The following CDHR1 variants were observed in gnomAD, a reference collection of about 807,000 sequenced individuals.
CDHR1 encodes the protein cadherin related family member 1, also known as cadherin-related family member 1.
A neutral mutation model predicts 72.1 loss-of-function variants in CDHR1; 61 were observed. That is an observed-to-expected ratio of 0.85 (90% CI 0.69 to 1.05). The LOEUF (loss-of-function observed/expected upper bound fraction) is 1.05, where lower values mean the gene tolerates loss of function less well. Among genes scored for constraint, CDHR1 ranks in the 50% least tolerant of loss-of-function variants. The pLI, the probability that CDHR1 is intolerant of heterozygous loss-of-function variation, is 0.00. For synonymous variants in CDHR1, 470 were observed against 448.1 expected (o/e 1.05, Z -0.62); for missense variants, 1,186 against 1,115.7 (o/e 1.06, Z -0.90).
At position 84,216,003 on chromosome 10, in the gene CDHR1, T is replaced by TC. The variant is rs147801078; in HGVS notation, c.*1383dup. The TC allele has an allele frequency of 0.013, 12,370 of 985,378 alleles. 677 individuals carry two copies. In the African/African-American group the frequency reaches 0.15, roughly 12 times the overall value. The allele number at this position is 985,378 out of a possible 1,614,324, so 61.0% of individuals were successfully genotyped here. A position where few individuals can be genotyped will look rare whatever the true frequency, so the allele number is the denominator to read the frequency against. On this transcript the variant is annotated 3_prime_UTR_variant, in exon 17 of 17. Transcript: ENST00000623527. ...CAGCAGGTTGGTAGCAAAGATCTTGTCTAGCCAGGGCAGCCCTTATCAGCT... is the reference window on the plus strand; with the variant it reads ...CAGCAGGTTGGTAGCAAAGATCTTGTCCTAGCCAGGGCAGCCCTTATCAGCT...
Position 84,214,981 on chromosome 10 carries a change from C to T in CDHR1, c.*360C>T. 1 of 1,195,796 alleles carries T rather than the reference C, an allele frequency of 8.4e-7. No homozygotes were observed. The highest frequency in any genetic ancestry group is 1.0e-6 in the Non-Finnish European group (1 of 954,094). The allele number at this position is 1,195,796 out of a possible 1,614,324, so 74.1% of individuals were successfully genotyped here. ...ACAGTCCCTCAGGTTCTACTGGGAT[C>T]TCATCATCATCCTTAGTCAAGCAGC... On this transcript the variant is annotated 3_prime_UTR_variant, in exon 17 of 17. Coordinates refer to ENST00000623527, the MANE Select transcript of CDHR1 (RefSeq NM_033100.4).
chr10:84,199,513 A>C (rs1172101340), intron 5 of CDHR1, among the ~76,000 whole-genome samples: 5 of 152,044 alleles, frequency 3.3e-5, no homozygotes, highest in Admixed American at 1.3e-4. Context: ...TCCTATTTGC[A>C]CTTAAGTTAT....
Position 84,216,972 on chromosome 10 carries a change from G to T in CDHR1, c.*2351G>T. The T allele has an allele frequency of 3.0e-6, 3 of 985,486 alleles. No homozygotes were observed. The highest frequency in any genetic ancestry group is 3.6e-6 in the Non-Finnish European group (3 of 829,964). 61.0% of individuals were successfully genotyped at this position (985,486 alleles called of 1,614,324 possible). ...TGGGCTTGCAAGTGGATCCGGGACC[G>T]AGGGTGGTCTCTTGGACAACCCCAG... On this transcript the variant is annotated 3_prime_UTR_variant, in exon 17 of 17. Coordinates refer to ENST00000623527, the MANE Select transcript of CDHR1 (RefSeq NM_033100.4).
intron 7 of CDHR1, 138 bp from the exon 8 acceptor site, chr10:84,202,842 A>T: frequency 1.1e-6 from 1 of 896,874 alleles, no homozygotes; most frequent in Non-Finnish European, 1.8e-6. Flanking sequence ...TCTCCGGGTG[A>T]CACAGAAGCA....
At position 84,218,469 on chromosome 10, in the gene CDHR1, G is replaced by A. The variant is rs1444361756; in HGVS notation, c.*3848G>A. The A allele has an allele frequency of 1.0e-6, 1 of 985,302 alleles. No individual in the cohort carries two copies. Among genetic ancestry groups the A allele is most frequent in the East Asian group, 1.1e-4 (1 of 8,828 alleles). 61.0% of individuals were successfully genotyped at this position (985,302 alleles called of 1,614,324 possible). ...GTTTGGAGTATATCTTCTGTGCCAG[G>A]CTCTCTTCTAGGTGTTAGGTGTATG... On this transcript the variant is annotated 3_prime_UTR_variant, in exon 17 of 17. Transcript: ENST00000623527.
Position 84,211,042 on chromosome 10 carries a change from C to T in CDHR1, c.1362C>T (p.Ser454=), listed in dbSNP as rs1010706543. ...VEVNTPEKFS[S]TADVVIQLLD... ...TGAACACCCCAGAGAAGTTCAGTTC[C>T]ACAGCGGATGTTGTGATCCAGCTCC... Residue 454 remains serine (S), a synonymous_variant, in exon 13 of 17, where the codon TCC becomes TCT. Transcript: ENST00000623527. 6.2e-7 allele frequency: 1 copy of T among 1,614,168 alleles called. No homozygotes were observed. Among genetic ancestry groups the T allele is most frequent in the Admixed American group, 1.7e-5 (1 of 60,022 alleles).
intron 16 of CDHR1, 49 bp downstream of exon 16, chr10:84,213,397 G>C: frequency 6.2e-7 from 1 of 1,613,064 alleles, no homozygotes; most frequent in Non-Finnish European, 8.5e-7. Flanking sequence ...GGCCAGCTCA[G>C]ACCTCTCTGC....
rs1842453491 is a variant in CDHR1, at chr10:84,218,006, A to T, written c.*3385A>T. ...CTCTGCTTCTCTAAGGATTTCGGTG[A>T]TTCTATTTTTAGGGACTGAAGGCGT... is the stretch of plus-strand genomic sequence containing the variant. On this transcript the variant is annotated 3_prime_UTR_variant, in exon 17 of 17. Coordinates refer to ENST00000623527, the MANE Select transcript of CDHR1 (RefSeq NM_033100.4). 15 of 985,290 alleles carry T rather than the reference A, an allele frequency of 1.5e-5. No homozygotes were observed. Among genetic ancestry groups the T allele is most frequent in the Non-Finnish European group, 1.8e-5 (15 of 829,952 alleles). 61.0% of individuals were successfully genotyped at this position (985,290 alleles called of 1,614,324 possible).
In CDHR1 at chr10:84,214,937, C is replaced by G; in HGVS notation, c.*316C>G. 7.7e-7 allele frequency: 1 copy of G among 1,294,554 alleles called. No homozygotes were observed. The highest frequency in any genetic ancestry group is 1.5e-5 in the African/African-American group (1 of 66,554). The allele number at this position is 1,294,554 out of a possible 1,614,324, so 80.2% of individuals were successfully genotyped here. ...GGGCTGAGAATTGACGAGAAGCCAG[C>G]TCACCCATCCCAGACCTCACAGTCC... On this transcript the variant is annotated 3_prime_UTR_variant, in exon 17 of 17. Coordinates refer to ENST00000623527, the MANE Select transcript of CDHR1 (RefSeq NM_033100.4).
Position 84,200,643 on chromosome 10 carries a change from G to A in CDHR1, c.481G>A (p.Asp161Asn). 13 of 1,612,612 alleles carry A rather than the reference G, an allele frequency of 8.1e-6. No individual in the cohort carries two copies. Among genetic ancestry groups the A allele is most frequent in the Non-Finnish European group, 1.0e-5 (12 of 1,179,414 alleles). Reference protein sequence around the residue: ...GSIIFKVHAVDRDTGSGGSVT... With the variant: ...GSIIFKVHAVNRDTGSGGSVT... ...CATCATCTTTAAGGTCCATGCAGTG[G>A]ACAGGGACACAGGCTCTGGAGGGAG... The change falls in exon 6 of 17, where the codon GAC becomes AAC. Residue 161 changes from aspartate to asparagine, a missense_variant. Coordinates refer to ENST00000623527, the MANE Select transcript of CDHR1 (RefSeq NM_033100.4).
At chr10:84,201,564 C>G (rs74145719) in intron 6 of CDHR1, among the ~76,000 whole-genome samples, 1 of 152,172 alleles carries the variant, frequency 6.6e-6, no homozygotes, top group African/African-American at 2.4e-5. Context: ...TCCAGCTGAG[C>G]AGGAGGAAAA....
chr10:84,217,656 A>G lies in CDHR1; in HGVS notation c.*3035A>G, dbSNP rs549093833. On this transcript the variant is annotated 3_prime_UTR_variant, in exon 17 of 17. Transcript: ENST00000623527. ...GACACTTGCCGTGACTGTGGCCCACATACTAGAACACCATGTCCTGAAAGA... is the reference window on the plus strand; with the variant it reads ...GACACTTGCCGTGACTGTGGCCCACGTACTAGAACACCATGTCCTGAAAGA... 36 of 985,512 alleles carry G rather than the reference A, an allele frequency of 3.7e-5. No homozygotes were observed. In the South Asian group the frequency reaches 1.3e-3, roughly 35 times the overall value. The allele number at this position is 985,512 out of a possible 1,614,324, so 61.0% of individuals were successfully genotyped here. A position where few individuals can be genotyped will look rare whatever the true frequency, so the allele number is the denominator to read the frequency against.
rs766675093 is a variant in CDHR1, at chr10:84,195,486, T to C, written c.56-8T>C. The C allele has an allele frequency of 9.9e-6, 16 of 1,613,214 alleles. No homozygotes were observed. Among genetic ancestry groups the C allele is most frequent in the Middle Eastern group, 1.7e-4 (1 of 6,060 alleles). ...TGGGTGTCCGTCTGTTCTGTGTTCT[T>C]TTTCCAGCTCAGGCCAACTTCGCCC... On this transcript the variant is annotated splice_region_variant and splice_polypyrimidine_tract_variant and intron_variant, in intron 1 of 16. Transcript: ENST00000623527.
Position 84,203,116 on chromosome 10 carries a change from C to A in CDHR1, c.776C>A (p.Thr259Asn), listed in dbSNP as rs747762103. ...TPYYGYVYED[T>N]LPGSEVLKVV... is the part of the protein sequence containing the mutation. Reference sequence around the variant, plus strand: ...TACTATGGCTATGTGTACGAGGACACCCTTCCGGTGGGTGGCTGTCCCCCT... The same window carrying A: ...TACTATGGCTATGTGTACGAGGACAACCTTCCGGTGGGTGGCTGTCCCCCT... Residue 259 changes from threonine to asparagine, a missense_variant, in exon 8 of 17, where the codon ACC becomes AAC. Coordinates refer to ENST00000623527, the MANE Select transcript of CDHR1 (RefSeq NM_033100.4). The A allele has an allele frequency of 1.2e-6, 2 of 1,614,166 alleles. No individual in the cohort carries two copies. Among genetic ancestry groups the A allele is most frequent in the Non-Finnish European group, 1.7e-6 (2 of 1,180,040 alleles).
rs1318484537 is a variant in CDHR1 at position 84,194,745 on chromosome 10, C to G, written c.-16C>G. On this transcript the variant is annotated 5_prime_UTR_variant, in exon 1 of 17. Transcript: ENST00000623527. Reference sequence around the variant, plus strand: ...GGTCTCGGCGGCGGCAGGCGACACTCCGCGCCGGCGGAGACATGAGGCGCT... The same window carrying G: ...GGTCTCGGCGGCGGCAGGCGACACTGCGCGCCGGCGGAGACATGAGGCGCT... 30 of 1,494,844 alleles carry G rather than the reference C, an allele frequency of 2.0e-5. No individual in the cohort carries two copies. The highest frequency in any genetic ancestry group is 2.6e-5 in the Non-Finnish European group (29 of 1,131,374). The allele number at this position is 1,494,844 out of a possible 1,614,324, so 92.6% of individuals were successfully genotyped here.
chr10:84,219,255 AG>A (rs1187202934), downstream of CDHR1: 6 of 1,550,702 alleles, frequency 3.9e-6, no homozygotes, highest in Admixed American at 1.2e-4. Context: ...GAGTTTTTCA[AG>A]GGGCAGCCCA....
chr10:84,202,333 T>G (rs1442654531), intron 7 of CDHR1, among the ~76,000 whole-genome samples: 1 of 152,180 alleles, frequency 6.6e-6, no homozygotes, highest in African/African-American at 2.4e-5. Context: ...GAAGCTCAAC[T>G]AAGTTCCTCA....
In CDHR1 at chr10:84,197,824, T is replaced by G; in HGVS notation, c.336T>G (p.Asp112Glu). 1.9e-6 allele frequency: 3 copies of G among 1,613,990 alleles called. No individual in the cohort carries two copies. Among genetic ancestry groups the G allele is most frequent in the Non-Finnish European group, 2.5e-6 (3 of 1,179,976 alleles). ...TTGAAGCCATCATCAGCATTTCTGA[T>G]GGCCTGAATCTGGTGAGTGCACGTC... The part of the protein sequence containing the change: ...DEIEAIISIS[D>E]GLNLVAEKVV... Residue 112 changes from aspartate (D) to glutamate (E), a missense_variant, in exon 4 of 17, where the codon GAT (aspartate) becomes GAG (glutamate). Physicochemically the swap from Asp to Glu is conservative, Grantham distance 45 (BLOSUM62 2). Coordinates refer to ENST00000623527, the MANE Select transcript of CDHR1 (RefSeq NM_033100.4).
chr10:84,219,035 T>C (rs757479720), downstream of CDHR1: 384 of 741,894 alleles, frequency 5.2e-4, 1 homozygote, highest in Non-Finnish European at 7.6e-4. Context: ...ATCCCCATTT[T>C]ACAGGTGAGA....
Sources: allele counts gnomAD v4.1 joint callset (sites outside exome capture counted in the v4.1 genomes callset), GRCh38; gene constraint gnomAD v4.1.1; transcripts MANE v1.5; gene names NCBI Gene and HGNC (gene_info 2026-07-23, HGNC 2026-07-21).